Variants in CFAP54 observed in about 807,000 individuals in gnomAD.
CFAP54 encodes the protein cilia- and flagella-associated protein 54.
Under a neutral mutation model 370.4 loss-of-function variants are expected in CFAP54, and 290 were observed. That is an observed-to-expected ratio of 0.78 (90% CI 0.71 to 0.86). CFAP54 has a LOEUF of 0.86. CFAP54 is among the 40% of genes least tolerant of loss of function. The probability of loss-of-function intolerance (pLI) is 0.00; values close to 1 mark genes in which losing one functional copy is unlikely to be tolerated. For missense variants in CFAP54, 3,399 were observed against 3,528.7 expected (o/e 0.96, Z 0.93); for synonymous variants, 1,206 against 1,236.5 (o/e 0.98, Z 0.52).
chr12:96,649,840 GAACTTAATTCTA>G, intron 34 of CFAP54, 39 bp from the exon 35 acceptor site: 1 of 1,285,000 alleles, frequency 7.8e-7, no homozygotes, highest in Non-Finnish European at 1.1e-6. Flanking sequence ...GTGTTTTCTG[GAACTTAATTCTA>G]TGTTTTTAAT....
Position 96,860,503 on chromosome 12 carries a change from C to A in CFAP54, c.9172-316C>A, listed in dbSNP as rs891334537. On this transcript the variant is annotated intron_variant, in intron 66 of 67. Transcript: ENST00000524981. The stretch of plus-strand genomic sequence containing the variant: ...CTCCAAATGAGAGAGGGAGATTTGC[C>A]AACTGGTCAATCTGTTATGCAGGAA... Among the ~76,000 whole-genome samples, 3 of 152,130 alleles carry A rather than the reference C, an allele frequency of 2.0e-5. No homozygotes were observed. In the South Asian group the frequency reaches 6.2e-4, roughly 31 times the overall value.
chr12:96,696,194 G>C (rs1011512305), intron 45 of CFAP54, among the ~76,000 whole-genome samples: 5 of 152,172 alleles, frequency 3.3e-5, no homozygotes, highest in Admixed American at 1.3e-4. Context: ...TTACACTAGA[G>C]TGGAGGTTTT....
At chr12:96,654,117 TAAAG>T (rs1473234993) in intron 36 of CFAP54, among the ~76,000 whole-genome samples, 1 of 152,172 alleles carries the variant, frequency 6.6e-6, no homozygotes, top group Non-Finnish European at 1.5e-5. Flanking sequence ...AACCTTCACA[TAAAG>T]AAAATTCCAG....
intron 39 of CFAP54, among the ~76,000 whole-genome samples, chr12:96,668,398 C>A (rs1041143640): frequency 6.6e-6 from 1 of 152,136 alleles, no homozygotes; most frequent in Non-Finnish European, 1.5e-5. Context: ...CTCAGTTCCA[C>A]GAGGCCTCAC....
intron 65 of CFAP54, among the ~76,000 whole-genome samples, chr12:96,820,098 C>T (rs967113500): frequency 5.9e-5 from 9 of 152,106 alleles, no homozygotes; most frequent in Admixed American, 4.6e-4. Flanking sequence ...CTTATGGTCT[C>T]GTGAGAGCAA....
chr12:96,687,389 T>C (rs1957341306), intron 42 of CFAP54, among the ~76,000 whole-genome samples: 1 of 152,222 alleles, frequency 6.6e-6, no homozygotes, highest in South Asian at 2.1e-4. Context: ...GGCTTACGCA[T>C]AGCTAGCACT....
chr12:96,698,432 C>G (rs1027567833), intron 45 of CFAP54, among the ~76,000 whole-genome samples: 4 of 152,108 alleles, frequency 2.6e-5, no homozygotes, highest in Admixed American at 6.6e-5. Flanking sequence ...AACCTAAATG[C>G]CTATCATTGT....
At chr12:96,717,684 T>A (rs2058800) in intron 48 of CFAP54, among the ~76,000 whole-genome samples, 35,880 of 152,112 alleles carry the variant, frequency 0.24, 4,410 homozygotes, top group South Asian at 0.29. Context: ...TTGTGGATTA[T>A]GCTCTTCCAG....
chr12:96,827,097 G>A (rs1260721215), intron 65 of CFAP54, among the ~76,000 whole-genome samples: 2 of 123,568 alleles, frequency 1.6e-5, no homozygotes, highest in Non-Finnish European at 3.2e-5. Flanking sequence ...TATATAATGT[G>A]CAATTATATG....
intron 40 of CFAP54, 49 bp from the exon 41 acceptor site, chr12:96,684,599 T>A (rs1717724570): frequency 6.7e-7 from 1 of 1,489,292 alleles, no homozygotes. Context: ...TATAAAAAAA[T>A]ATTTTTCTAG....
rs1382430946 is a variant in CFAP54 at position 96,860,944 on chromosome 12, C to G, written c.*6C>G. On this transcript the variant is annotated 3_prime_UTR_variant, in exon 67 of 68. Coordinates refer to ENST00000524981, the MANE Select transcript of CFAP54 (RefSeq NM_001306084.2). Reference sequence around the variant, plus strand: ...TAGTGTCAATTATTCCCTGAATATCCTATACACGGTAACCTTATACAGGAT... The same window carrying G: ...TAGTGTCAATTATTCCCTGAATATCGTATACACGGTAACCTTATACAGGAT... 1 of 1,529,808 alleles carries G rather than the reference C, an allele frequency of 6.5e-7. No homozygotes were observed. Among genetic ancestry groups the G allele is most frequent in the Admixed American group, 2.0e-5 (1 of 49,980 alleles). The allele number at this position is 1,529,808 out of a possible 1,614,324, so 94.8% of individuals were successfully genotyped here.
intron 45 of CFAP54, among the ~76,000 whole-genome samples, chr12:96,697,399 C>T (rs1199756768): frequency 6.6e-6 from 1 of 152,164 alleles, no homozygotes; most frequent in Non-Finnish European, 1.5e-5. Context: ...TCCCCTGAAC[C>T]TCCTTTGATA....
intron 49 of CFAP54, among the ~76,000 whole-genome samples, chr12:96,719,320 A>T (rs919536544): frequency 6.6e-6 from 1 of 152,200 alleles, no homozygotes; most frequent in Non-Finnish European, 1.5e-5. Context: ...TTCAAAATCC[A>T]TGTTCTTAAA....
At chr12:96,642,906 G>T (rs540548977) in intron 32 of CFAP54, among the ~76,000 whole-genome samples, 5 of 152,144 alleles carry the variant, frequency 3.3e-5, no homozygotes, top group South Asian at 4.2e-4. Context: ...TACCCTCTGT[G>T]GGCTGGATGT....
chr12:96,691,161 G>A lies in CFAP54; in HGVS notation c.6115G>A (p.Ala2039Thr). The change falls in exon 44 of 68, where the codon GCT becomes ACT. Residue 2039 changes from alanine to threonine, a missense_variant. Ala to Thr is a moderately conservative substitution (Grantham distance 58, BLOSUM62 0). Coordinates refer to ENST00000524981, the MANE Select transcript of CFAP54 (RefSeq NM_001306084.2). ...LLRTTLPHPK[A>T]ERCYAQYEIT... ...TAGAACAACACTTCCACATCCCAAA[G>A]CTGAACGTTGCTATGCTCAATATGA... The A allele has an allele frequency of 6.2e-7, 1 of 1,613,436 alleles. No individual in the cohort carries two copies. Among genetic ancestry groups the A allele is most frequent in the Non-Finnish European group, 8.5e-7 (1 of 1,179,718 alleles).
intron 44 of CFAP54, among the ~76,000 whole-genome samples, chr12:96,692,965 A>G (rs1957402315): frequency 6.6e-6 from 1 of 152,168 alleles, no homozygotes; most frequent in African/African-American, 2.4e-5. Flanking sequence ...TTCCAGTGTT[A>G]GGCAAAACTG....
At chr12:96,618,446 G>A (rs989532836) in intron 26 of CFAP54, among the ~76,000 whole-genome samples, 15 of 152,154 alleles carry the variant, frequency 9.9e-5, no homozygotes, top group Admixed American at 7.2e-4. Flanking sequence ...TTCGCTTCTC[G>A]TCTCTCAAGG....
At chr12:96,640,698 A>G (rs1222684798) in intron 32 of CFAP54, among the ~76,000 whole-genome samples, 6 of 152,216 alleles carry the variant, frequency 3.9e-5, no homozygotes, top group Non-Finnish European at 7.3e-5. Flanking sequence ...ACAGTAACCA[A>G]AACAGCATGG....
In CFAP54 at chr12:96,641,270, T is replaced by C. The variant is rs540587392; in HGVS notation, c.4317-2908T>C. ...ACACCATCAACAAGTGGGCAAAGGA[T>C]ATGAACAGACACTTCTCAAAAGAAG... is the stretch of plus-strand genomic sequence containing the variant. On this transcript the variant is annotated intron_variant, in intron 32 of 67. Transcript: ENST00000524981. Among the ~76,000 whole-genome samples the C allele has an allele frequency of 3.2e-3, 493 of 152,196 alleles. 1 individual carries two copies. Among genetic ancestry groups the C allele is most frequent in the African/African-American group, 0.011 (471 of 41,526 alleles).
Sources: allele counts gnomAD v4.1 joint callset (sites outside exome capture counted in the v4.1 genomes callset), GRCh38; gene constraint gnomAD v4.1.1; transcripts MANE v1.5; gene names NCBI Gene and HGNC (gene_info 2026-07-23, HGNC 2026-07-21).